TEX2: variants seen among roughly 807,000 people sequenced by gnomAD.
The protein encoded by TEX2 is testis-expressed protein 2.
In TEX2, 53 loss-of-function variants were observed where a neutral mutation model predicts 106.9. The ratio of observed to expected loss-of-function variants is 0.50; its 90% confidence interval spans 0.40 to 0.62. TEX2 has a LOEUF of 0.62. TEX2 is among the 20% of genes least tolerant of loss of function. The pLI is 0.00. For missense variants in TEX2, 1,207 were observed against 1,379.0 expected (o/e 0.88, Z 1.98); for synonymous variants, 523 against 534.8 (o/e 0.98, Z 0.30).
At chr17:64,220,186 C>A (rs576642481) in intron 1 of TEX2, among the ~76,000 whole-genome samples, 2 of 152,094 alleles carry the variant, frequency 1.3e-5, no homozygotes, top group Non-Finnish European at 2.9e-5. Flanking sequence ...CAACTTGACA[C>A]CTTATACAAA....
chr17:64,248,997 T>C (rs528648458), intron 1 of TEX2, among the ~76,000 whole-genome samples: 1 of 150,380 alleles, frequency 6.6e-6, no homozygotes, highest in South Asian at 2.1e-4. Context: ...ATTACGCCAC[T>C]GCACTTGAGA....
intron 1 of TEX2, among the ~76,000 whole-genome samples, chr17:64,221,132 A>G (rs1049202352): frequency 2.6e-5 from 4 of 152,212 alleles, no homozygotes; most frequent in African/African-American, 7.2e-5. Flanking sequence ...GTTCTTACTT[A>G]TAAGTGGGAC....
intron 1 of TEX2, among the ~76,000 whole-genome samples, chr17:64,249,735 T>A (rs963642283): frequency 2.0e-5 from 3 of 152,140 alleles, no homozygotes; most frequent in African/African-American, 7.2e-5. Flanking sequence ...TTTTAGTACC[T>A]CCTGAAATAA....
chr17:64,150,332 T>A (rs570385850), intron 11 of TEX2: 1 of 152,394 alleles, frequency 6.6e-6, no homozygotes, highest in Admixed American at 6.5e-5. Flanking sequence ...ACTCCCAGAC[T>A]ACACTAGAAG....
At chr17:64,197,273 C>T (rs1188464206) in intron 2 of TEX2, among the ~76,000 whole-genome samples, 6 of 151,958 alleles carry the variant, frequency 3.9e-5, no homozygotes, top group African/African-American at 1.5e-4. Flanking sequence ...GCAGAAAGGT[C>T]CCAAACTATG....
intron 10 of TEX2, 59 bp from the exon 11 acceptor site, chr17:64,151,020 T>C: frequency 1.3e-6 from 2 of 1,588,234 alleles, no homozygotes; most frequent in Non-Finnish European, 1.7e-6. Context: ...AGACAGGCAC[T>C]GACAGCAAAC....
At chr17:64,231,354 T>C (rs546330964) in intron 1 of TEX2, among the ~76,000 whole-genome samples, 5 of 152,204 alleles carry the variant, frequency 3.3e-5, no homozygotes, top group Non-Finnish European at 7.3e-5. Context: ...CCAAGTACCA[T>C]ATATGTGCTT....
At chr17:64,187,001 G>C (rs4968611) in intron 5 of TEX2, among the ~76,000 whole-genome samples, 128,816 of 152,132 alleles carry the variant, frequency 0.85, 54,598 homozygotes, top group Middle Eastern at 0.91. Flanking sequence ...GTTCTCAGGT[G>C]AGGTTTGCAC....
intron 1 of TEX2, among the ~76,000 whole-genome samples, chr17:64,237,700 C>A (rs1555635277): frequency 6.6e-6 from 1 of 152,094 alleles, no homozygotes; most frequent in African/African-American, 2.4e-5. Flanking sequence ...TACAAGACTG[C>A]AAGGACAGGC....
chr17:64,215,521 G>A (rs1482143557), intron 1 of TEX2, among the ~76,000 whole-genome samples: 4 of 152,080 alleles, frequency 2.6e-5, no homozygotes, highest in Admixed American at 6.5e-5. Flanking sequence ...AGACAAAAGG[G>A]GCATCGTGGG....
intron 2 of TEX2, among the ~76,000 whole-genome samples, chr17:64,198,599 G>A (rs1022639046): frequency 2.0e-5 from 3 of 152,148 alleles, no homozygotes; most frequent in Non-Finnish European, 2.9e-5. Context: ...CTGCTGGCTA[G>A]AGTAGAGGCT....
intron 1 of TEX2, among the ~76,000 whole-genome samples, chr17:64,247,788 T>C (rs782584807): frequency 1.1e-4 from 16 of 152,236 alleles, no homozygotes; most frequent in Non-Finnish European, 1.8e-4. Flanking sequence ...CTGATGAACA[T>C]CAAAGATCTC....
At chr17:64,171,655 T>A (rs2031405362) in intron 6 of TEX2, among the ~76,000 whole-genome samples, 2 of 151,922 alleles carry the variant, frequency 1.3e-5, no homozygotes, top group South Asian at 4.2e-4. Flanking sequence ...AAAACAGACC[T>A]CTCTCAGACT....
At chr17:64,170,085 ACATCAT>A (rs143917598) in intron 7 of TEX2, among the ~76,000 whole-genome samples, 1 of 152,118 alleles carries the variant, frequency 6.6e-6, no homozygotes, top group Non-Finnish European at 1.5e-5. Context: ...ACAAATCCTT[ACATCAT>A]CATCATCATC....
chr17:64,190,286 A>T (rs2032247841), intron 4 of TEX2, among the ~76,000 whole-genome samples: 1 of 152,260 alleles, frequency 6.6e-6, no homozygotes, highest in African/African-American at 2.4e-5. Flanking sequence ...GATGTAAACT[A>T]ATATTACATT....
intron 8 of TEX2, among the ~76,000 whole-genome samples, chr17:64,159,183 C>T (rs748548504): frequency 2.6e-5 from 4 of 152,188 alleles, no homozygotes; most frequent in Non-Finnish European, 2.9e-5. Context: ...TTGCCACCCC[C>T]GGTGCCCAAG....
chr17:64,241,165 G>A (rs115402232), intron 1 of TEX2, among the ~76,000 whole-genome samples: 4,811 of 152,272 alleles, frequency 0.032, 128 homozygotes, highest in South Asian at 0.1. Flanking sequence ...CTCATGGAGT[G>A]ACTGCTGAGG....
intron 8 of TEX2, 124 bp downstream of exon 8, chr17:64,160,677 A>G: frequency 8.1e-7 from 1 of 1,233,124 alleles, no homozygotes; most frequent in Non-Finnish European, 1.1e-6. Flanking sequence ...CTGGTCCAGG[A>G]GCACTTACAC....
At chr17:64,169,394 C>A (rs1231650886) in intron 7 of TEX2, among the ~76,000 whole-genome samples, 1 of 152,254 alleles carries the variant, frequency 6.6e-6, no homozygotes, top group Non-Finnish European at 1.5e-5. Flanking sequence ...CAGCCATTTG[C>A]CAAGAATTGA....
Sources: gnomAD v4.1 joint callset for allele counts (sites outside exome capture counted in the v4.1 genomes callset) on GRCh38, gnomAD v4.1.1 for gene constraint, MANE v1.5 for transcripts, NCBI Gene and HGNC (gene_info 2026-07-23, HGNC 2026-07-21) for gene names.